MX2: variants seen among roughly 807,000 people sequenced by gnomAD.
MX2 encodes MX dynamin like GTPase 2.
Under a neutral mutation model 74.0 loss-of-function variants are expected in MX2, and 51 were observed. The observed-to-expected ratio is 0.69, with a 90% confidence interval of 0.55 to 0.87. MX2 has a LOEUF of 0.87. Among genes scored for constraint, MX2 ranks in the 40% least tolerant of loss-of-function variants. The pLI is 0.00. For missense variants in MX2, 832 were observed against 908.7 expected, an observed-to-expected ratio of 0.92 and a Z score of 1.09; for synonymous variants, 369 against 339.3, an observed-to-expected ratio of 1.09 and a Z score of -0.96.
chr21:41,406,741 C>G lies in MX2; in HGVS notation c.1651-3C>G, dbSNP rs765392135. 6.2e-7 allele frequency: 1 copy of G among 1,611,074 alleles called. No individual in the cohort carries two copies. Among genetic ancestry groups the G allele is most frequent in the Non-Finnish European group, 8.5e-7 (1 of 1,178,546 alleles). ...AATGTGTTTGTCTTTTTTATCTAAC[C>G]AGAGCACGATTGAAGACATAAAAGT... On this transcript the variant is annotated splice_region_variant and splice_polypyrimidine_tract_variant and intron_variant, in intron 12 of 13. Transcript: ENST00000330714.
At chr21:41,392,696 A>AT (rs1568943738) in intron 6 of MX2, among the ~76,000 whole-genome samples, 3 of 152,142 alleles carry the variant, frequency 2.0e-5, no homozygotes, top group African/African-American at 4.8e-5. Context: ...TTGTAAAGAA[A>AT]TTTTTTTTAA....
chr21:41,385,179 C>T (rs1387195473), intron 5 of MX2, among the ~76,000 whole-genome samples: 1 of 152,210 alleles, frequency 6.6e-6, no homozygotes, highest in Non-Finnish European at 1.5e-5. Flanking sequence ...GCACAAGCAG[C>T]TTAGCTTTTG....
chr21:41,372,932 A>G (rs1035295051), intron 1 of MX2: 4 of 152,150 alleles, frequency 2.6e-5, no homozygotes, highest in African/African-American at 9.7e-5. Flanking sequence ...TTTCCTCCAC[A>G]GCCTTTATTA....
At chr21:41,395,822 A>G in intron 7 of MX2, 37 bp downstream of exon 7, 2 of 1,605,940 alleles carry the variant, frequency 1.2e-6, no homozygotes, top group Non-Finnish European at 8.5e-7. Context: ...ATTAGACTCC[A>G]TGAAAGCCAG....
Position 41,390,629 on chromosome 21 carries a change from G to C in MX2, c.797G>C (p.Cys266Ser). The C allele has an allele frequency of 3.7e-6, 6 of 1,614,220 alleles. No homozygotes were observed. Among genetic ancestry groups the C allele is most frequent in the Non-Finnish European group, 4.2e-6 (5 of 1,180,052 alleles). ...ACGATCAACTTGGTGGTGGTTCCCT[G>C]TAACGTGGACATTGCCACCACGGAG... ...QQTINLVVVP[C>S]NVDIATTEAL... Residue 266 changes from cysteine to serine, a missense_variant, in exon 6 of 14, where the codon TGT (cysteine) becomes TCT (serine). Physicochemically the swap from Cys to Ser is moderately radical, Grantham distance 112. Transcript: ENST00000330714.
At position 41,402,613 on chromosome 21, in the gene MX2, C is replaced by T. The variant is rs570934036; in HGVS notation, c.1573+485C>T. The T allele has an allele frequency of 1.7e-4, 28 of 163,672 alleles. No individual in the cohort carries two copies. Among genetic ancestry groups the T allele is most frequent in the African/African-American group, 5.5e-4 (23 of 41,864 alleles). 10.1% of individuals were successfully genotyped at this position (163,672 alleles called of 1,614,324 possible). A position where few individuals can be genotyped will look rare whatever the true frequency, so the allele number is the denominator to read the frequency against. ...CAGTGAGGGGTAAGAAGGATGGCTC[C>T]AGGATGAGTCAACTGCATTGCATTT... On this transcript the variant is annotated intron_variant, in intron 11 of 13. Coordinates refer to ENST00000330714, the MANE Select transcript of MX2 (RefSeq NM_002463.2). This position sits in a 1 kb window ranked among gnomAD's most constrained non-coding sequence, Gnocchi z 4.5.
At chr21:41,373,539 C>T (rs2089354717) in intron 1 of MX2, among the ~76,000 whole-genome samples, 1 of 152,160 alleles carries the variant, frequency 6.6e-6, no homozygotes, top group African/African-American at 2.4e-5. Flanking sequence ...CCCCCTCCAG[C>T]TGCTCTGTCC....
In MX2 at chr21:41,383,928, T is replaced by C. The variant is rs114835583; in HGVS notation, c.732+1364T>C. On this transcript the variant is annotated intron_variant, in intron 5 of 13. Coordinates refer to ENST00000330714, the MANE Select transcript of MX2 (RefSeq NM_002463.2). Reference sequence around the variant, plus strand: ...ATCCTTGGGTGGTGATATGGTTTGGTTCTGTGTCCCCACCCAAATCTCATC... The same window carrying C: ...ATCCTTGGGTGGTGATATGGTTTGGCTCTGTGTCCCCACCCAAATCTCATC... Among the ~76,000 whole-genome samples the C allele has an allele frequency of 7.7e-3, 1,177 of 152,230 alleles. 19 individuals carry two copies. Among genetic ancestry groups the C allele is most frequent in the African/African-American group, 0.027 (1,112 of 41,540 alleles).
At chr21:41,390,512 A>G (rs17765612) in intron 5 of MX2, 53 bp from the exon 6 acceptor site, 66,014 of 1,608,684 alleles carry the variant, frequency 0.041, 2,118 homozygotes, top group African/African-American at 0.15. Context: ...CGTGCTGCTG[A>G]GTGACCAGAA....
intron 1 of MX2, chr21:41,365,647 G>A (rs896162418): frequency 6.6e-6 from 1 of 152,196 alleles, no homozygotes; most frequent in Non-Finnish European, 1.5e-5. Context: ...CATTTAGGTT[G>A]ATTCTATGTC....
At position 41,408,090 on chromosome 21, in the gene MX2, C is replaced by T; in HGVS notation, c.2005C>T (p.Leu669=). Residue 669 remains leucine (L), a synonymous_variant, in exon 14 of 14, where the codon CTA becomes TTA. Coordinates refer to ENST00000330714, the MANE Select transcript of MX2 (RefSeq NM_002463.2). The part of the protein sequence containing the change: ...DSLQKAMMQI[L]QEKNRYSWLL... ...CTTGCAGAAAGCCATGATGCAGATA[C>T]TACAGGAAAAAAATCGCTATTCCTG... The T allele has an allele frequency of 1.9e-6, 3 of 1,614,182 alleles. No homozygotes were observed. Among genetic ancestry groups the T allele is most frequent in the African/African-American group, 2.7e-5 (2 of 75,038 alleles).
rs2089914456 is a variant in MX2, at chr21:41,408,349, T to C, written c.*116T>C. ...ACTCTTCTGTCACTATCAGTGTCCA[T>C]CTCTACTGTACTCCCTCAGCATCAG... On this transcript the variant is annotated 3_prime_UTR_variant, in exon 14 of 14. Coordinates refer to ENST00000330714, the MANE Select transcript of MX2 (RefSeq NM_002463.2). 1.4e-6 allele frequency: 2 copies of C among 1,380,832 alleles called. No homozygotes were observed. The highest frequency in any genetic ancestry group is 4.7e-5 in the East Asian group (2 of 42,598). The allele number at this position is 1,380,832 out of a possible 1,614,324, so 85.5% of individuals were successfully genotyped here. A position where few individuals can be genotyped will look rare whatever the true frequency, so the allele number is the denominator to read the frequency against.
chr21:41,381,684 C>CAAAAAAAAAAAAA (rs57350601), intron 4 of MX2, among the ~76,000 whole-genome samples: 1 of 58,444 alleles, frequency 1.7e-5, no homozygotes, highest in African/African-American at 5.7e-5. Flanking sequence ...GACTCTGTCT[C>CAAAAAAAAAAAAA]AAAAAAAAAA....
rs1270181056 is a variant in MX2 at position 41,376,859 on chromosome 21, GC to G, written c.-46del. 1 of 1,602,620 alleles carries G rather than the reference GC, an allele frequency of 6.2e-7. No individual in the cohort carries two copies. The highest frequency in any genetic ancestry group is 1.7e-5 in the Admixed American group (1 of 59,518). On this transcript the variant is annotated 5_prime_UTR_variant, in exon 2 of 14. Coordinates refer to ENST00000330714, the MANE Select transcript of MX2 (RefSeq NM_002463.2). The stretch of plus-strand genomic sequence containing the variant: ...AGAGCTTGTCAGGAAGATCGGAGGT[GC>G]CAAGTAGCAGAGAAAGCATCCCCCA...
At chr21:41,373,803 C>G (rs1263716291) in intron 1 of MX2, 1 of 99,978 alleles carries the variant, frequency 1.0e-5, no homozygotes, top group Non-Finnish European at 1.8e-5. Flanking sequence ...GACTCTCAAA[C>G]TTAAAAAAAA....
chr21:41,406,012 A>G (rs1192481363), intron 12 of MX2, among the ~76,000 whole-genome samples: 2 of 146,560 alleles, frequency 1.4e-5, no homozygotes, highest in Non-Finnish European at 3.0e-5. Context: ...CCTTTTTGAG[A>G]CGGAGTTTCG....
chr21:41,390,486 T>C (rs1294927597), intron 5 of MX2, 79 bp from the exon 6 acceptor site: 2 of 1,572,544 alleles, frequency 1.3e-6, no homozygotes, highest in African/African-American at 1.3e-5. Context: ...TGCGCCATCA[T>C]GCCTGCCTGC....
intron 6 of MX2, among the ~76,000 whole-genome samples, chr21:41,393,467 G>A (rs1370508734): frequency 6.6e-6 from 1 of 151,860 alleles, no homozygotes; most frequent in East Asian, 1.9e-4. Flanking sequence ...CACCCCAGTT[G>A]CCCACTCCCT....
At chr21:41,403,469 G>A in intron 12 of MX2, 126 bp downstream of exon 12, 1 of 901,060 alleles carries the variant, frequency 1.1e-6, no homozygotes, top group Non-Finnish European at 1.8e-6. Context: ...GGCGAGGCTG[G>A]CAGGGCTGGC....
Sources: gnomAD v4.1 joint callset for allele counts (sites outside exome capture counted in the v4.1 genomes callset) on GRCh38, gnomAD v4.1.1 for gene constraint, Gnocchi (gnomAD v3.1) non-coding constraint, MANE v1.5 for transcripts, NCBI Gene and HGNC (gene_info 2026-07-23, HGNC 2026-07-21) for gene names.